Variants in PATJ observed in about 807,000 individuals in gnomAD.
The protein encoded by PATJ is inaD-like protein.
A neutral mutation model predicts 224.9 loss-of-function variants in PATJ; 190 were observed. The ratio of observed to expected loss-of-function variants is 0.84; its 90% CI spans 0.75 to 0.95. PATJ has a LOEUF of 0.95. Among genes scored for constraint, PATJ ranks in the 40% least tolerant of loss-of-function variants. The probability of loss-of-function intolerance (pLI) is 0.00; values close to 1 mark genes in which losing one functional copy is unlikely to be tolerated. For missense variants in PATJ, 2,121 were observed against 2,270.3 expected (o/e 0.93, Z 1.34); for synonymous variants, 769 against 820.3 (o/e 0.94, Z 1.07).
At chr1:61,791,483 G>A (rs1467597397) in intron 9 of PATJ, 36 bp downstream of exon 9, 1 of 1,295,222 alleles carries the variant, frequency 7.7e-7, no homozygotes. Flanking sequence ...TTTGGAAATT[G>A]TAAAGGATGT....
rs60747316 is a variant in PATJ, at chr1:62,062,392, C to CTTTTTTTT, written c.4125+11354_4125+11361dup. ...TGGTTGGCTGCTTCTATGTTGTCTT[C>CTTTTTTTT]TTTTTTTTTTTTTTTTTTTTTTTTT... On this transcript the variant is annotated intron_variant, in intron 31 of 43. Coordinates refer to ENST00000642238, the MANE Select transcript of PATJ (RefSeq NM_001350145.3). 3.7e-3 allele frequency among the ~76,000 whole-genome samples: 104 copies of CTTTTTTTT among 28,472 alleles called. 1 individual carries two copies. Among genetic ancestry groups the CTTTTTTTT allele is most frequent in the African/African-American group, 4.1e-3 (26 of 6,296 alleles). 18.7% of individuals were successfully genotyped at this position (28,472 alleles called of 152,430 possible).
intron 27 of PATJ, among the ~76,000 whole-genome samples, chr1:61,971,347 C>A (rs1331113270): frequency 6.6e-6 from 1 of 152,160 alleles, no homozygotes; most frequent in African/African-American, 2.4e-5. Context: ...TTTCTTTCCC[C>A]AACTGTTTAA....
intron 30 of PATJ, among the ~76,000 whole-genome samples, chr1:62,047,497 G>A (rs142807696): frequency 7.2e-4 from 109 of 152,126 alleles, no homozygotes; most frequent in Admixed American, 1.4e-3. Flanking sequence ...TGATCCACCC[G>A]TCTCAGCCTC....
chr1:61,980,818 T>C (rs1644413739), intron 27 of PATJ, among the ~76,000 whole-genome samples: 1 of 151,920 alleles, frequency 6.6e-6, no homozygotes, highest in Admixed American at 6.6e-5. Context: ...ACAGGAGGAG[T>C]GCTACCATTT....
rs116404834 is a variant in PATJ, at chr1:61,925,774, A to G, written c.3571-1956A>G. On this transcript the variant is annotated intron_variant, in intron 26 of 43. Coordinates refer to ENST00000642238, the MANE Select transcript of PATJ (RefSeq NM_001350145.3). ...TATTTGTTTAACTCATTAATGAGGG[A>G]ACCAATAAGATGGTAAGCCTGGTTC... Among the ~76,000 whole-genome samples, 485 of 152,370 alleles carry G rather than the reference A, an allele frequency of 3.2e-3. 1 individual carries two copies. Among genetic ancestry groups the G allele is most frequent in the African/African-American group, 0.011 (465 of 41,586 alleles).
chr1:62,004,779 A>C (rs1248306313), intron 28 of PATJ, among the ~76,000 whole-genome samples: 2 of 152,254 alleles, frequency 1.3e-5, no homozygotes, highest in Non-Finnish European at 2.9e-5. Flanking sequence ...TCAATATAGA[A>C]AAACAAACTG....
chr1:62,032,340 G>A (rs965767296), intron 29 of PATJ, among the ~76,000 whole-genome samples: 49 of 150,718 alleles, frequency 3.3e-4, no homozygotes, highest in African/African-American at 1.0e-3. Flanking sequence ...GAATTTAATT[G>A]GTTTAGAATT....
chr1:61,956,835 AGTT>A (rs1335018847), intron 27 of PATJ, among the ~76,000 whole-genome samples: 1 of 152,232 alleles, frequency 6.6e-6, no homozygotes, highest in Non-Finnish European at 1.5e-5. Context: ...ATCATTTGCA[AGTT>A]GTTTAGTCAC....
At chr1:62,120,476 A>G (rs905744209) in intron 37 of PATJ, among the ~76,000 whole-genome samples, 1 of 152,216 alleles carries the variant, frequency 6.6e-6, no homozygotes, top group Non-Finnish European at 1.5e-5. Context: ...GTTTTCGTCT[A>G]CATAAGAAAG....
At chr1:62,067,365 G>A (rs1027613194) in intron 31 of PATJ, among the ~76,000 whole-genome samples, 2 of 151,704 alleles carry the variant, frequency 1.3e-5, no homozygotes, top group Non-Finnish European at 2.9e-5. Flanking sequence ...CTGACCTTGT[G>A]ATCCACCCAC....
chr1:61,831,612 A>G (rs112977798), intron 16 of PATJ, among the ~76,000 whole-genome samples: 10,928 of 152,286 alleles, frequency 0.072, 470 homozygotes, highest in South Asian at 0.14. Flanking sequence ...GAGAAATGCA[A>G]ATCAAAACTA....
At position 61,878,425 on chromosome 1, in the gene PATJ, C is replaced by A. The variant is rs149083391; in HGVS notation, c.2959+3059C>A. On this transcript the variant is annotated intron_variant, in intron 21 of 43. Coordinates refer to ENST00000642238, the MANE Select transcript of PATJ (RefSeq NM_001350145.3). ...CAGTATTTTCACCCCATATCTGCAA[C>A]ATTGCCAACTGATTGGACCCTGATT... is the stretch of plus-strand genomic sequence containing the variant. 2.8e-3 allele frequency among the ~76,000 whole-genome samples: 425 copies of A among 152,292 alleles called. 2 individuals carry two copies. Among genetic ancestry groups the A allele is most frequent in the African/African-American group, 9.8e-3 (409 of 41,572 alleles).
chr1:62,121,641 C>T (rs141280444), intron 38 of PATJ, among the ~76,000 whole-genome samples: 123 of 151,868 alleles, frequency 8.1e-4, no homozygotes, highest in South Asian at 1.5e-3. Flanking sequence ...TGGTGGCATA[C>T]GCCTGTAGTC....
chr1:61,915,305 G>C (rs1673292961), intron 26 of PATJ, among the ~76,000 whole-genome samples: 1 of 152,126 alleles, frequency 6.6e-6, no homozygotes, highest in Admixed American at 6.6e-5. Flanking sequence ...TGTATCTCAG[G>C]TTACAAGGGG....
intron 11 of PATJ, among the ~76,000 whole-genome samples, chr1:61,801,016 T>G (rs144985247): frequency 1.3e-4 from 20 of 152,320 alleles, no homozygotes; most frequent in Non-Finnish European, 2.8e-4. Flanking sequence ...TCTTTGCTAT[T>G]GTGGATAATG....
chr1:61,798,129 T>C (rs1651730455), intron 11 of PATJ, among the ~76,000 whole-genome samples: 2 of 152,204 alleles, frequency 1.3e-5, no homozygotes, highest in Non-Finnish European at 2.9e-5. Flanking sequence ...CTTTTAACAA[T>C]ATATTTTATT....
intron 33 of PATJ, among the ~76,000 whole-genome samples, chr1:62,087,275 C>T (rs1660127065): frequency 6.6e-6 from 1 of 152,042 alleles, no homozygotes; most frequent in South Asian, 2.1e-4. Context: ...TAAGCTGTCT[C>T]TCCTCCAAAG....
intron 29 of PATJ, among the ~76,000 whole-genome samples, chr1:62,033,851 C>G (rs1449578062): frequency 1.3e-5 from 2 of 152,132 alleles, no homozygotes; most frequent in Non-Finnish European, 2.9e-5. Context: ...TACTCCCTGC[C>G]AGGTACCACA....
At chr1:62,098,416 G>A (rs966819497) in intron 33 of PATJ, among the ~76,000 whole-genome samples, 10 of 150,998 alleles carry the variant, frequency 6.6e-5, no homozygotes, top group South Asian at 6.4e-4. Context: ...CCAACATGGC[G>A]AAACCCCATC....
Sources: gnomAD v4.1 joint callset for allele counts (sites outside exome capture counted in the v4.1 genomes callset) on GRCh38, gnomAD v4.1.1 for gene constraint, MANE v1.5 for transcripts, NCBI Gene and HGNC (gene_info 2026-07-23, HGNC 2026-07-21) for gene names.